Variants in PSAT1 observed in about 807,000 individuals in gnomAD.
PSAT1 encodes phosphoserine aminotransferase.
Under a neutral mutation model 40.3 loss-of-function variants are expected in PSAT1, and 41 were observed. That is an observed-to-expected ratio of 1.02 (90% CI 0.79 to 1.32). The LOEUF is 1.32. Among genes scored for constraint, PSAT1 ranks in the 40% most tolerant of loss-of-function variants. The pLI, the probability that PSAT1 is intolerant of heterozygous loss-of-function variation, is 0.00. For synonymous variants in PSAT1, 147 were observed against 170.5 expected (o/e 0.86, Z 1.07); for missense variants, 406 against 455.8 (o/e 0.89, Z 0.99).
chr9:78,301,788 C>A (rs1467829686), intron 2 of PSAT1, among the ~76,000 whole-genome samples, 166 bp from the exon 3 acceptor site: 1 of 152,200 alleles, frequency 6.6e-6, no homozygotes. Flanking sequence ...ATTTGAAAAT[C>A]AGTTTGTATG....
In PSAT1 at chr9:78,329,646, T is replaced by C. The variant is rs1217982074; in HGVS notation, c.*560T>C. On this transcript the variant is annotated 3_prime_UTR_variant, in exon 9 of 9. Coordinates refer to ENST00000376588, the MANE Select transcript of PSAT1 (RefSeq NM_058179.4). ...TTTATATATGTTTATATTAGCAAGG[T>C]CTGTTTTTAATACCATATACTTTAT... 2 of 157,466 alleles carry C rather than the reference T, an allele frequency of 1.3e-5. No individual in the cohort carries two copies. The highest frequency in any genetic ancestry group is 2.8e-5 in the Non-Finnish European group (2 of 71,060). The allele number at this position is 157,466 out of a possible 1,614,324, so 9.8% of individuals were successfully genotyped here. A position where few individuals can be genotyped will look rare whatever the true frequency, so the allele number is the denominator to read the frequency against.
At chr9:78,313,673 C>T (rs752455948) in intron 6 of PSAT1, among the ~76,000 whole-genome samples, 6 of 152,150 alleles carry the variant, frequency 3.9e-5, no homozygotes, top group Non-Finnish European at 7.4e-5. Context: ...GAGACAGGGT[C>T]TTGCTCTGTT....
intron 6 of PSAT1, among the ~76,000 whole-genome samples, chr9:78,313,694 G>C (rs1828299623): frequency 6.6e-6 from 1 of 152,050 alleles, no homozygotes; most frequent in Non-Finnish European, 1.5e-5. Flanking sequence ...GTGCAGGCTG[G>C]AGTGCAGCAG....
chr9:78,309,859 T>G (rs1403213169), intron 6 of PSAT1, among the ~76,000 whole-genome samples: 2 of 152,214 alleles, frequency 1.3e-5, no homozygotes. Context: ...GAGTCTAGTA[T>G]TTACTAGCTG....
rs760228152 is a variant in PSAT1, at chr9:78,308,494, G to A, written c.651G>A (p.Leu217=). 6.2e-7 allele frequency: 1 copy of A among 1,613,996 alleles called. No homozygotes were observed. Among genetic ancestry groups the A allele is most frequent in the South Asian group, 1.1e-5 (1 of 91,050 alleles). Residue 217 remains leucine (L), a synonymous_variant, in exon 6 of 9, where the codon CTG becomes CTA. Transcript: ENST00000376588. The part of the protein sequence containing the change: ...VTVVIVRDDL[L]GFALRECPSV... ...TGGTGATTGTCCGTGATGACCTGCT[G>A]GGGTTTGCCCTCCGAGAGTGCCCCT...
Position 78,306,492 on chromosome 9 carries a change from G to C in PSAT1, c.570+6G>C. Reference sequence around the variant, plus strand: ...AGCCAGTGGATGTTTCCAAGGTAGAGTATAAAAGGCAGGGTGAGGGGAACC... The same window carrying C: ...AGCCAGTGGATGTTTCCAAGGTAGACTATAAAAGGCAGGGTGAGGGGAACC... On this transcript the variant is annotated splice_donor_region_variant and intron_variant, in intron 5 of 8. Coordinates refer to ENST00000376588, the MANE Select transcript of PSAT1 (RefSeq NM_058179.4). The C allele has an allele frequency of 1.2e-6, 2 of 1,614,212 alleles. No individual in the cohort carries two copies. The highest frequency in any genetic ancestry group is 8.5e-7 in the Non-Finnish European group (1 of 1,180,034).
rs373209481 is a variant in PSAT1 at position 78,328,098 on chromosome 9, G to T, written c.917G>T (p.Arg306Leu). The change falls in exon 8 of 9, where the codon CGC becomes CTC. Residue 306 changes from arginine (R) to leucine (L), a missense_variant. Arg to Leu is a moderately radical substitution (Grantham distance 102). Transcript: ENST00000376588. ...QNRSKMNIPF[R>L]IGNAKGDDAL... Reference sequence around the variant, plus strand: ...AGAAGCAAGATGAATATTCCATTCCGCATTGGCAATGCCAAAGGAGATGAT... The same window carrying T: ...AGAAGCAAGATGAATATTCCATTCCTCATTGGCAATGCCAAAGGAGATGAT... The T allele has an allele frequency of 1.7e-5, 28 of 1,610,884 alleles. No individual in the cohort carries two copies. Among genetic ancestry groups the T allele is most frequent in the Non-Finnish European group, 1.9e-5 (22 of 1,178,700 alleles).
Position 78,304,891 on chromosome 9 carries a change from G to C in PSAT1, c.348G>C (p.Lys116Asn), listed in dbSNP as rs41277897. 1 of 1,613,684 alleles carries C rather than the reference G, an allele frequency of 6.2e-7. No individual in the cohort carries two copies. The highest frequency in any genetic ancestry group is 1.7e-5 in the Admixed American group (1 of 60,028). ...CAGCTAAGGCCGCAGAAGAAGCCAA[G>C]AAGTTTGGGACTATAAATATCGTTC... ...AWSAKAAEEA[K>N]KFGTINIVHP... The change falls in exon 4 of 9, where the codon AAG (lysine) becomes AAC (asparagine). Residue 116 changes from lysine to asparagine, a missense_variant. Lys to Asn is a moderately conservative substitution (Grantham distance 94). Coordinates refer to ENST00000376588, the MANE Select transcript of PSAT1 (RefSeq NM_058179.4).
At chr9:78,313,240 C>T (rs1381536714) in intron 6 of PSAT1, among the ~76,000 whole-genome samples, 1 of 152,136 alleles carries the variant, frequency 6.6e-6, no homozygotes, top group Admixed American at 6.5e-5. Context: ...GTGGCGTGCA[C>T]CTGTAATCCC....
intron 6 of PSAT1, among the ~76,000 whole-genome samples, chr9:78,315,558 C>T (rs1278861290): frequency 2.0e-5 from 3 of 152,226 alleles, no homozygotes; most frequent in African/African-American, 7.2e-5. Flanking sequence ...CCTCTTCCTC[C>T]CTGCCTTCCC....
At chr9:78,302,555 C>T (rs1256664013) in intron 3 of PSAT1, among the ~76,000 whole-genome samples, 2 of 151,848 alleles carry the variant, frequency 1.3e-5, no homozygotes, top group African/African-American at 4.8e-5. Context: ...GGTGAAACCC[C>T]ATCTACTAAA....
intron 8 of PSAT1, among the ~76,000 whole-genome samples, chr9:78,328,540 C>T (rs755317715): frequency 6.6e-6 from 1 of 152,122 alleles, no homozygotes; most frequent in Non-Finnish European, 1.5e-5. Flanking sequence ...AACTGAACAT[C>T]AAATTAGTAG....
chr9:78,304,776 G>T lies in PSAT1; in HGVS notation c.233G>T (p.Gly78Val), dbSNP rs1270171186. ...DNYKVIFLQG[G>V]GCGQFSAVPL... ...TATAAGGTGATTTTTCTGCAAGGAG[G>T]TGGGTGCGGCCAGTTCAGTGCTGTC... The change falls in exon 4 of 9, where the codon GGT becomes GTT. Residue 78 changes from glycine to valine, a missense_variant. Physicochemically the swap from Gly to Val is moderately radical, Grantham distance 109. Coordinates refer to ENST00000376588, the MANE Select transcript of PSAT1 (RefSeq NM_058179.4). 1.2e-6 allele frequency: 2 copies of T among 1,614,218 alleles called. No individual in the cohort carries two copies. Among genetic ancestry groups the T allele is most frequent in the Non-Finnish European group, 1.7e-6 (2 of 1,180,040 alleles).
intron 7 of PSAT1, among the ~76,000 whole-genome samples, chr9:78,324,200 C>T (rs902210053): frequency 6.6e-6 from 1 of 152,120 alleles, no homozygotes; most frequent in African/African-American, 2.4e-5. Flanking sequence ...CCTGGGGTTC[C>T]TCATTTACGT....
In PSAT1 at chr9:78,317,953, G is replaced by A. The variant is rs181346514; in HGVS notation, c.869+149G>A. The A allele has an allele frequency of 1.3e-5, 13 of 1,001,598 alleles. No individual in the cohort carries two copies. The African/African-American group carries it at 2.1e-4, about 16-fold the overall frequency. 62.0% of individuals were successfully genotyped at this position (1,001,598 alleles called of 1,614,324 possible). A position where few individuals can be genotyped will look rare whatever the true frequency, so the allele number is the denominator to read the frequency against. Reference sequence around the variant, plus strand: ...GTGTGGTCCTGGGCCCCATGAGCAGGGGAGTGGGTGGTGAGTTCTTCCCTC... The same window carrying A: ...GTGTGGTCCTGGGCCCCATGAGCAGAGGAGTGGGTGGTGAGTTCTTCCCTC... On this transcript the variant is annotated intron_variant, in intron 7 of 8. Coordinates refer to ENST00000376588, the MANE Select transcript of PSAT1 (RefSeq NM_058179.4).
chr9:78,299,752 C>T (rs1828081142), intron 1 of PSAT1, among the ~76,000 whole-genome samples: 1 of 152,108 alleles, frequency 6.6e-6, no homozygotes, highest in African/African-American at 2.4e-5. Context: ...ACCTCATGAT[C>T]TGCCCGCCTT....
At chr9:78,314,593 T>C (rs1828313954) in intron 6 of PSAT1, among the ~76,000 whole-genome samples, 1 of 152,178 alleles carries the variant, frequency 6.6e-6, no homozygotes, top group Non-Finnish European at 1.5e-5. Context: ...CTGAGTTGTC[T>C]GCCTCTTGTT....
At chr9:78,321,221 T>C (rs963052970) in intron 7 of PSAT1, among the ~76,000 whole-genome samples, 3 of 152,070 alleles carry the variant, frequency 2.0e-5, no homozygotes, top group African/African-American at 7.2e-5. Context: ...TAAACCTCTT[T>C]CTAGGAACTC....
At chr9:78,325,277 G>T (rs112110084) in intron 7 of PSAT1, among the ~76,000 whole-genome samples, 4 of 152,256 alleles carry the variant, frequency 2.6e-5, no homozygotes, top group East Asian at 3.9e-4. Flanking sequence ...TTTCCAGCAG[G>T]TCTGTGCGTT....
Sources: allele counts gnomAD v4.1 joint callset (sites outside exome capture counted in the v4.1 genomes callset), GRCh38; gene constraint gnomAD v4.1.1; transcripts MANE v1.5; gene names NCBI Gene and HGNC (gene_info 2026-07-23, HGNC 2026-07-21).